PKHD1: variants seen among roughly 807,000 people sequenced by gnomAD.
PKHD1 encodes PKHD1 ciliary IPT domain containing fibrocystin/polyductin.
In PKHD1, 291 loss-of-function variants were observed where a neutral mutation model predicts 412.0. The observed-to-expected ratio is 0.71, with a 90% confidence interval of 0.64 to 0.78. The LOEUF (loss-of-function observed/expected upper bound fraction) is 0.78, where lower values mean the gene tolerates loss of function less well. Ranked by LOEUF, PKHD1 falls within the 30% of genes least tolerant of loss-of-function variation. PKHD1 has a pLI of 0.00. For missense variants in PKHD1, 4,825 were observed against 4,950.7 expected (o/e 0.97, Z 0.76); for synonymous variants, 1,777 against 1,821.5 (o/e 0.98, Z 0.62).
At chr6:51,873,043 TG>T (rs1776251659) in intron 46 of PKHD1, among the ~76,000 whole-genome samples, 1 of 152,142 alleles carries the variant, frequency 6.6e-6, no homozygotes, top group South Asian at 2.1e-4. Context: ...GATTCTAAGA[TG>T]GAGCTTTGAA....
At chr6:51,774,416 CAG>C (rs1342073645) in intron 54 of PKHD1, among the ~76,000 whole-genome samples, 4 of 151,946 alleles carry the variant, frequency 2.6e-5, no homozygotes, top group South Asian at 2.1e-4. Flanking sequence ...ATAGTCCTAA[CAG>C]AAAGTTTGTT....
At position 52,043,638 on chromosome 6, in the gene PKHD1, C is replaced by A; in HGVS notation, c.2808G>T (p.Val936=). Residue 936 remains valine, a synonymous_variant, in exon 26 of 67, where the codon GTG becomes GTT. Coordinates refer to ENST00000371117, the MANE Select transcript of PKHD1 (RefSeq NM_138694.4). ...GACAAATCATACCAATGGAGTACCA[C>A]ACAGAATGGACACAGGGAGTTGACC... ...LQGSTPCVHS[V]WYSIDGDINL... 6.2e-7 allele frequency: 1 copy of A among 1,610,812 alleles called. No individual in the cohort carries two copies. Among genetic ancestry groups the A allele is most frequent in the Non-Finnish European group, 8.5e-7 (1 of 1,177,100 alleles).
At chr6:51,887,328 T>G (rs1226911349) in intron 43 of PKHD1, 83 bp from the exon 44 acceptor site, 1 of 840,374 alleles carries the variant, frequency 1.2e-6, no homozygotes, top group South Asian at 1.4e-5. Flanking sequence ...TTTGTACTCA[T>G]CCCAATTTTA....
chr6:51,903,063 G>T (rs1458483148), intron 43 of PKHD1, among the ~76,000 whole-genome samples: 3 of 152,078 alleles, frequency 2.0e-5, no homozygotes, highest in East Asian at 3.9e-4. Context: ...TGGTAGTTCA[G>T]GGAGATATTT....
chr6:52,068,513 A>G (rs1366697147), intron 11 of PKHD1, among the ~76,000 whole-genome samples: 1 of 152,200 alleles, frequency 6.6e-6, no homozygotes, highest in Non-Finnish European at 1.5e-5. Context: ...AATTAGAACT[A>G]CACATTCTAG....
intron 50 of PKHD1, among the ~76,000 whole-genome samples, chr6:51,843,608 C>T (rs948043047): frequency 5.3e-5 from 8 of 152,182 alleles, no homozygotes; most frequent in Non-Finnish European, 1.2e-4. Context: ...CCCAACTTTG[C>T]AAATATAAAA....
chr6:51,722,171 C>G, intron 60 of PKHD1: 1 of 1,339,406 alleles, frequency 7.5e-7, no homozygotes, highest in Non-Finnish European at 1.0e-6. Flanking sequence ...TCATGCCCGC[C>G]CTCAGTGTGG....
chr6:51,835,304 G>T (rs977903427), intron 51 of PKHD1, among the ~76,000 whole-genome samples: 3 of 152,174 alleles, frequency 2.0e-5, no homozygotes, highest in Non-Finnish European at 2.9e-5. Flanking sequence ...CCCAACAGGT[G>T]TGTCCTCTAC....
intron 55 of PKHD1, among the ~76,000 whole-genome samples, chr6:51,769,077 T>G (rs1452033946): frequency 1.3e-5 from 2 of 149,672 alleles, no homozygotes; most frequent in African/African-American, 2.5e-5. Context: ...TAGCTTGCTT[T>G]GTTTGTTGCT....
rs1382447658 is a variant in PKHD1, at chr6:51,887,249, C to G, written c.6997-4G>C. Reference sequence around the variant, plus strand: ...CAGCACCACACACTCTGTTCCCCTACAGAAATTAAGAAGAGTTAAAAAATA... The same window carrying G: ...CAGCACCACACACTCTGTTCCCCTAGAGAAATTAAGAAGAGTTAAAAAATA... On this transcript the variant is annotated splice_polypyrimidine_tract_variant and splice_region_variant and intron_variant, in intron 43 of 66. Transcript: ENST00000371117. 1 of 1,585,156 alleles carries G rather than the reference C, an allele frequency of 6.3e-7. No individual in the cohort carries two copies.
chr6:51,670,315 C>G lies in PKHD1; in HGVS notation c.10157-10346G>C, dbSNP rs546945057. On this transcript the variant is annotated intron_variant, in intron 60 of 66. Transcript: ENST00000371117. The stretch of plus-strand genomic sequence containing the variant: ...ACCATTATGTAATGGCCTTCTTCGT[C>G]TCTTTTGATCTTTGTTGGTTTAAAG... Among the ~76,000 whole-genome samples the G allele has an allele frequency of 1.1e-3, 167 of 152,266 alleles. 2 individuals carry two copies. The highest frequency in any genetic ancestry group is 0.011 in the South Asian group (51 of 4,826).
At position 52,058,342 on chromosome 6, in the gene PKHD1, T is replaced by C. The variant is rs1808108625; in HGVS notation, c.1493A>G (p.Gln498Arg). 4 of 1,614,196 alleles carry C rather than the reference T, an allele frequency of 2.5e-6. No individual in the cohort carries two copies. The highest frequency in any genetic ancestry group is 2.2e-5 in the South Asian group (2 of 91,084). Residue 498 changes from glutamine (Q) to arginine (R), a missense_variant, in exon 16 of 67, where the codon CAG becomes CGG. Coordinates refer to ENST00000371117, the MANE Select transcript of PKHD1 (RefSeq NM_138694.4). ...ACAGACCTGTACTTCTGGAAGCCTC[T>C]GGGCTCGGACTCGGATCTGGTGCTT... ...REKHQIRVRA[Q>R]RLPEVQVLNV...
At position 52,053,233 on chromosome 6, in the gene PKHD1, A is replaced by T. The variant is rs894149194; in HGVS notation, c.1983T>A (p.Thr661=). 2 of 1,614,082 alleles carry T rather than the reference A, an allele frequency of 1.2e-6. No individual in the cohort carries two copies. Among genetic ancestry groups the T allele is most frequent in the Non-Finnish European group, 1.7e-6 (2 of 1,180,024 alleles). Residue 661 remains threonine, a synonymous_variant, in exon 21 of 67, where the codon ACT becomes ACA. Transcript: ENST00000371117. The part of the protein sequence containing the change: ...TSPESWQFDC[T]DLWETCVRCF... ...AACGCACACAAGTCTCCCAGAGGTC[A>T]GTGCAATCGAACTGCCAGCTGAAAA...
intron 60 of PKHD1, among the ~76,000 whole-genome samples, chr6:51,686,958 G>A (rs999898108): frequency 6.6e-6 from 1 of 152,142 alleles, no homozygotes; most frequent in African/African-American, 2.4e-5. Context: ...GGCCAGATAT[G>A]AAGTTACATT....
intron 60 of PKHD1, among the ~76,000 whole-genome samples, chr6:51,660,554 A>C (rs1175882342): frequency 6.6e-6 from 1 of 152,186 alleles, no homozygotes; most frequent in Non-Finnish European, 1.5e-5. Context: ...GCTTCTGAAC[A>C]ACTGGCTATA....
intron 60 of PKHD1, among the ~76,000 whole-genome samples, chr6:51,723,571 C>G (rs1413786064): frequency 6.6e-6 from 1 of 152,090 alleles, no homozygotes; most frequent in South Asian, 2.1e-4. Flanking sequence ...TTGAAAATTT[C>G]AAAGTGTGAT....
intron 34 of PKHD1, among the ~76,000 whole-genome samples, chr6:52,013,615 CAGAG>C (rs1289039462): frequency 6.6e-6 from 1 of 151,870 alleles, no homozygotes; most frequent in Non-Finnish European, 1.5e-5. Context: ...CATATATAGA[CAGAG>C]AGATCAATAT....
At chr6:52,026,244 A>G (rs531898702) in intron 31 of PKHD1, 63 bp from the exon 32 acceptor site, 15 of 1,494,960 alleles carry the variant, frequency 1.0e-5, no homozygotes, top group Non-Finnish European at 1.4e-5. Flanking sequence ...AATTCATAGC[A>G]CCTGTGGAAG....
chr6:51,685,555 T>C lies in PKHD1; in HGVS notation c.10157-25586A>G, dbSNP rs1454675680. On this transcript the variant is annotated intron_variant, in intron 60 of 66. Transcript: ENST00000371117. ...TATAAAATCTGAAAATTTTTGCTCT[T>C]GTATCCCAGTGTTTCTGAGATTGGT... Among the ~76,000 whole-genome samples, 4 of 152,186 alleles carry C rather than the reference T, an allele frequency of 2.6e-5. No homozygotes were observed. The East Asian group carries it at 5.8e-4, about 22-fold the overall frequency.
Sources: allele counts gnomAD v4.1 joint callset (sites outside exome capture counted in the v4.1 genomes callset), GRCh38; gene constraint gnomAD v4.1.1; transcripts MANE v1.5; gene names NCBI Gene and HGNC (gene_info 2026-07-23, HGNC 2026-07-21).